Variants in GNA14 observed in about 807,000 individuals in gnomAD.
The protein encoded by GNA14 is guanine nucleotide-binding protein subunit alpha-14.
In GNA14, 50 loss-of-function variants were observed where a neutral mutation model predicts 42.0. That is an observed-to-expected ratio of 1.19 (90% CI 0.95 to 1.51). GNA14 has a LOEUF of 1.51. Among genes scored for constraint, GNA14 ranks in the 40% most tolerant of loss-of-function variants. The probability of loss-of-function intolerance (pLI) is 0.00; values close to 1 mark genes in which losing one functional copy is unlikely to be tolerated. For missense variants in GNA14, 473 were observed against 446.2 expected, an observed-to-expected ratio of 1.06 and a Z score of -0.54; for synonymous variants, 173 against 163.1, an observed-to-expected ratio of 1.06 and a Z score of -0.46.
intron 3 of GNA14, 85 bp downstream of exon 3, chr9:77,434,283 G>T: frequency 7.9e-7 from 1 of 1,268,060 alleles, no homozygotes; most frequent in Non-Finnish European, 1.1e-6. Context: ...CCGCATTTCA[G>T]CAGCGTTCAG....
At chr9:77,522,241 G>A (rs1030212092) in intron 2 of GNA14, among the ~76,000 whole-genome samples, 1 of 152,168 alleles carries the variant, frequency 6.6e-6, no homozygotes, top group African/African-American at 2.4e-5. Context: ...GCAACAGTAG[G>A]AGAAGGCAGG....
At chr9:77,524,636 G>A (rs540467603) in intron 2 of GNA14, among the ~76,000 whole-genome samples, 2 of 152,254 alleles carry the variant, frequency 1.3e-5, no homozygotes, top group South Asian at 2.1e-4. Context: ...CACTGAATAC[G>A]ACTGAATCAC....
At chr9:77,449,096 G>A (rs1835867411) in intron 2 of GNA14, among the ~76,000 whole-genome samples, 1 of 152,206 alleles carries the variant, frequency 6.6e-6, no homozygotes, top group Non-Finnish European at 1.5e-5. Context: ...TTAAGATACA[G>A]TTAGATACAA....
chr9:77,438,312 G>A (rs553543538), intron 2 of GNA14, among the ~76,000 whole-genome samples: 2 of 151,698 alleles, frequency 1.3e-5, no homozygotes, highest in South Asian at 2.1e-4. Context: ...TGTCTCCCAC[G>A]CTGGAGCACA....
chr9:77,525,170 G>A (rs949718005), intron 2 of GNA14, among the ~76,000 whole-genome samples: 1 of 152,154 alleles, frequency 6.6e-6, no homozygotes, highest in African/African-American at 2.4e-5. Flanking sequence ...TATTGCCTAT[G>A]TCTGCTTTCT....
intron 2 of GNA14, among the ~76,000 whole-genome samples, chr9:77,460,784 A>G (rs1836090631): frequency 6.6e-6 from 1 of 152,156 alleles, no homozygotes; most frequent in African/African-American, 2.4e-5. Flanking sequence ...GAATGAAAAG[A>G]ACGAAGTGCA....
At chr9:77,644,886 C>A (rs542283336) in intron 1 of GNA14, among the ~76,000 whole-genome samples, 61 of 152,294 alleles carry the variant, frequency 4.0e-4, no homozygotes, top group African/African-American at 1.4e-3. Flanking sequence ...TCAGTACTCA[C>A]CAATGTTCTT....
At chr9:77,508,953 T>A (rs1032816052) in intron 2 of GNA14, among the ~76,000 whole-genome samples, 3 of 151,368 alleles carry the variant, frequency 2.0e-5, no homozygotes, top group Admixed American at 2.0e-4. Context: ...CAGTAAAAAA[T>A]ACCTAACATA....
intron 2 of GNA14, among the ~76,000 whole-genome samples, chr9:77,522,645 T>G (rs1837376989): frequency 6.6e-6 from 1 of 152,204 alleles, no homozygotes; most frequent in South Asian, 2.1e-4. Context: ...CGACCCTGGC[T>G]GCCCAATCAG....
intron 1 of GNA14, among the ~76,000 whole-genome samples, chr9:77,570,088 AT>A (rs1564056106): frequency 6.6e-6 from 1 of 152,122 alleles, no homozygotes; most frequent in East Asian, 1.9e-4. Context: ...ATGTCCACAC[AT>A]TTTAGGACCA....
At chr9:77,429,294 G>C (rs564727477) in intron 4 of GNA14, among the ~76,000 whole-genome samples, 7 of 152,140 alleles carry the variant, frequency 4.6e-5, no homozygotes, top group African/African-American at 1.7e-4. Flanking sequence ...GGAGCCTGCC[G>C]GTTAGGAAGC....
chr9:77,615,478 T>C (rs1039458297), intron 1 of GNA14, among the ~76,000 whole-genome samples: 4 of 152,106 alleles, frequency 2.6e-5, no homozygotes, highest in African/African-American at 9.7e-5. Context: ...GAGACAGCAC[T>C]TTCTGCTCTC....
chr9:77,505,264 T>A (rs1837049665), intron 2 of GNA14, among the ~76,000 whole-genome samples: 1 of 152,370 alleles, frequency 6.6e-6, no homozygotes, highest in East Asian at 1.9e-4. Flanking sequence ...TTTTAATGTC[T>A]GCATTTGTTA....
chr9:77,602,100 G>T (rs1314057192), intron 1 of GNA14, among the ~76,000 whole-genome samples: 1 of 152,142 alleles, frequency 6.6e-6, no homozygotes, highest in Non-Finnish European at 1.5e-5. Context: ...TCCCTGCCTG[G>T]TCCTGTTTAT....
chr9:77,611,100 C>T (rs1823722568), intron 1 of GNA14, among the ~76,000 whole-genome samples: 1 of 151,992 alleles, frequency 6.6e-6, no homozygotes, highest in Admixed American at 6.5e-5. Context: ...TTTACATTAC[C>T]CTATTCTCAA....
intron 1 of GNA14, among the ~76,000 whole-genome samples, chr9:77,584,731 A>C (rs962765821): frequency 6.6e-6 from 1 of 152,250 alleles, no homozygotes; most frequent in African/African-American, 2.4e-5. Flanking sequence ...AAGGAATGAA[A>C]GAATGGCTAC....
chr9:77,467,127 G>C (rs185232261), intron 2 of GNA14, among the ~76,000 whole-genome samples: 1 of 151,850 alleles, frequency 6.6e-6, no homozygotes, highest in African/African-American at 2.4e-5. Flanking sequence ...TAGTTAAAGA[G>C]CGTCTCTTTC....
chr9:77,487,645 C>A (rs1836683613), intron 2 of GNA14, among the ~76,000 whole-genome samples: 1 of 152,178 alleles, frequency 6.6e-6, no homozygotes, highest in African/African-American at 2.4e-5. Flanking sequence ...CCTAACCCAA[C>A]ACAAGTCATA....
chr9:77,498,411 A>G (rs1283329424), intron 2 of GNA14, among the ~76,000 whole-genome samples: 2 of 151,586 alleles, frequency 1.3e-5, no homozygotes, highest in Non-Finnish European at 2.9e-5. Flanking sequence ...AAAGAAAACA[A>G]GCTGCACCAG....
Sources: allele counts gnomAD v4.1 joint callset (sites outside exome capture counted in the v4.1 genomes callset), GRCh38; gene constraint gnomAD v4.1.1; transcripts MANE v1.5; gene names NCBI Gene and HGNC (gene_info 2026-07-23, HGNC 2026-07-21).